SLIT3: variants seen among roughly 807,000 people sequenced by gnomAD.
SLIT3 encodes slit homolog 3 protein.
SLIT3 carries 68 observed loss-of-function variants against 184.0 expected under a neutral mutation model. The ratio of observed to expected loss-of-function variants is 0.37; its 90% CI spans 0.30 to 0.45. The LOEUF (loss-of-function observed/expected upper bound fraction) is 0.45. Ranked by LOEUF, SLIT3 falls within the 20% of genes least tolerant of loss-of-function variation. The pLI, the probability that SLIT3 is intolerant of heterozygous loss-of-function variation, is 1.00. For missense variants in SLIT3, 1,707 were observed against 2,026.0 expected (o/e 0.84, Z 3.02); for synonymous variants, 831 against 828.6 (o/e 1.00, Z -0.05).
intron 1 of SLIT3, among the ~76,000 whole-genome samples, chr5:169,277,845 C>G (rs899893052): frequency 1.4e-4 from 22 of 152,210 alleles, no homozygotes; most frequent in Admixed American, 1.4e-3. Flanking sequence ...CTGTTTTCCA[C>G]AGCAGCTGCA....
At chr5:168,746,474 GT>G in intron 20 of SLIT3, among the ~76,000 whole-genome samples, 1 of 67,278 alleles carries the variant, frequency 1.5e-5, no homozygotes, top group Admixed American at 1.7e-4. Flanking sequence ...GTGCGGTGGT[GT>G]GGGTGTGGTG....
chr5:168,768,536 AC>A (rs1417689905), intron 14 of SLIT3, among the ~76,000 whole-genome samples: 1 of 152,228 alleles, frequency 6.6e-6, no homozygotes, highest in Non-Finnish European at 1.5e-5. Context: ...GAACACTCAG[AC>A]ATCTGTGATC....
intron 4 of SLIT3, among the ~76,000 whole-genome samples, chr5:169,112,811 T>G (rs972511479): frequency 2.6e-5 from 4 of 152,100 alleles, no homozygotes; most frequent in African/African-American, 9.7e-5. Flanking sequence ...TGCTGGGCTG[T>G]GGTTTGGAAG....
intron 4 of SLIT3, among the ~76,000 whole-genome samples, chr5:169,170,596 C>T (rs541189222): frequency 1.1e-4 from 16 of 152,192 alleles, no homozygotes; most frequent in Non-Finnish European, 1.6e-4. Flanking sequence ...CCCCTCTAAA[C>T]GGGCTCTGCA....
At chr5:169,177,165 G>C (rs145440881) in intron 4 of SLIT3, among the ~76,000 whole-genome samples, 2 of 152,250 alleles carry the variant, frequency 1.3e-5, no homozygotes, top group Non-Finnish European at 2.9e-5. Context: ...CATCACACAA[G>C]GCAAATGCAG....
At chr5:169,043,187 A>T (rs1406889281) in intron 4 of SLIT3, among the ~76,000 whole-genome samples, 1 of 152,224 alleles carries the variant, frequency 6.6e-6, no homozygotes, top group Non-Finnish European at 1.5e-5. Flanking sequence ...GCCCGAGGTC[A>T]TACAGCCAGC....
At chr5:168,991,514 C>T (rs1162156558) in intron 4 of SLIT3, among the ~76,000 whole-genome samples, 1 of 152,222 alleles carries the variant, frequency 6.6e-6, no homozygotes, top group Non-Finnish European at 1.5e-5. Flanking sequence ...GCATCACAAA[C>T]AGTGGCTTCC....
intron 23 of SLIT3, among the ~76,000 whole-genome samples, chr5:168,714,252 T>C (rs533902940): frequency 3.1e-4 from 47 of 152,382 alleles, no homozygotes; most frequent in African/African-American, 1.1e-3. Flanking sequence ...CCTGCCTGCA[T>C]GGCTTCATGG....
At chr5:169,174,016 C>T (rs541553866) in intron 4 of SLIT3, among the ~76,000 whole-genome samples, 1 of 152,136 alleles carries the variant, frequency 6.6e-6, no homozygotes, top group Non-Finnish European at 1.5e-5. Flanking sequence ...TTTTCTGGTA[C>T]AAACGGTACA....
intron 4 of SLIT3, among the ~76,000 whole-genome samples, chr5:169,188,039 C>A (rs1039458145): frequency 2.0e-5 from 3 of 152,180 alleles, no homozygotes; most frequent in Non-Finnish European, 2.9e-5. Flanking sequence ...CTCACTGCAA[C>A]CTCCGTCTCC....
At chr5:169,165,887 C>T (rs1216380968) in intron 4 of SLIT3, among the ~76,000 whole-genome samples, 1 of 152,160 alleles carries the variant, frequency 6.6e-6, no homozygotes, top group East Asian at 1.9e-4. Flanking sequence ...TCTTTCATTC[C>T]CAGCTATGTC....
At chr5:168,763,940 T>A (rs906251856) in intron 14 of SLIT3, among the ~76,000 whole-genome samples, 10 of 152,336 alleles carry the variant, frequency 6.6e-5, no homozygotes, top group African/African-American at 2.4e-4. Flanking sequence ...TTTGCTCCAC[T>A]AGGTGAGGCA....
chr5:168,763,086 A>C (rs775963902), intron 14 of SLIT3, among the ~76,000 whole-genome samples: 1 of 152,152 alleles, frequency 6.6e-6, no homozygotes, highest in African/African-American at 2.4e-5. Context: ...CCTATCATTC[A>C]TGGACCCTCT....
Position 168,903,142 on chromosome 5 carries a change from G to A in SLIT3, c.414-19806C>T, listed in dbSNP as rs1718658311. On this transcript the variant is annotated intron_variant, in intron 4 of 35. Transcript: ENST00000519560. Reference sequence around the variant, plus strand: ...CAATTAAAAAATAACTGATATTTCAGCTAATTCATATTTACATGTAAATTT... The same window carrying A: ...CAATTAAAAAATAACTGATATTTCAACTAATTCATATTTACATGTAAATTT... 2.6e-5 allele frequency among the ~76,000 whole-genome samples: 4 copies of A among 152,306 alleles called. No individual in the cohort carries two copies. In the South Asian group the frequency reaches 8.3e-4, roughly 32 times the overall value.
chr5:168,844,515 CCA>C, intron 6 of SLIT3, 67 bp downstream of exon 6: 1 of 1,416,922 alleles, frequency 7.1e-7, no homozygotes, highest in Non-Finnish European at 9.9e-7. Context: ...TCTCTCCTCC[CCA>C]CACAGACACA....
intron 4 of SLIT3, among the ~76,000 whole-genome samples, chr5:169,118,751 T>G (rs1352463180): frequency 1.3e-5 from 2 of 152,248 alleles, no homozygotes; most frequent in Non-Finnish European, 2.9e-5. Context: ...AACCTGCCAC[T>G]CTGATAGTGA....
At chr5:169,011,901 C>T (rs1353292514) in intron 4 of SLIT3, among the ~76,000 whole-genome samples, 1 of 150,130 alleles carries the variant, frequency 6.7e-6, no homozygotes, top group African/African-American at 2.5e-5. Context: ...ATCATTTATT[C>T]ATTCAACATA....
chr5:168,874,951 C>T lies in SLIT3; in HGVS notation c.485+8314G>A, dbSNP rs80311844. Among the ~76,000 whole-genome samples, 1,376 of 152,202 alleles carry T rather than the reference C, an allele frequency of 9.0e-3. 24 individuals carry two copies. Among genetic ancestry groups the T allele is most frequent in the African/African-American group, 0.032 (1,312 of 41,520 alleles). Reference sequence around the variant, plus strand: ...TAGACAAAAATTCACTAGAGCAGGACCGTGTCTTAGTCATCTTTCTTAAGA... The same window carrying T: ...TAGACAAAAATTCACTAGAGCAGGATCGTGTCTTAGTCATCTTTCTTAAGA... On this transcript the variant is annotated intron_variant, in intron 5 of 35. Coordinates refer to ENST00000519560, the MANE Select transcript of SLIT3 (RefSeq NM_003062.4).
intron 4 of SLIT3, among the ~76,000 whole-genome samples, chr5:168,930,735 GCTGACA>G (rs2113160853): frequency 6.6e-6 from 1 of 152,146 alleles, no homozygotes; most frequent in South Asian, 2.1e-4. Context: ...GCGCTTGGCA[GCTGACA>G]CCTGTGGCTC....
Sources: allele counts gnomAD v4.1 joint callset (sites outside exome capture counted in the v4.1 genomes callset), GRCh38; gene constraint gnomAD v4.1.1; transcripts MANE v1.5; gene names NCBI Gene and HGNC (gene_info 2026-07-23, HGNC 2026-07-21).